The following ARHGAP11A variants were observed in gnomAD, a reference collection of about 807,000 sequenced individuals.
ARHGAP11A encodes Rho GTPase activating protein 11A.
A neutral mutation model predicts 60.5 loss-of-function variants in ARHGAP11A; 36 were observed. The observed-to-expected ratio is 0.59, with a 90% CI of 0.46 to 0.79. The LOEUF is 0.79. Ranked by LOEUF, ARHGAP11A falls within the 30% of genes least tolerant of loss-of-function variation. The pLI is 0.00. For synonymous variants in ARHGAP11A, 362 were observed against 415.5 expected (o/e 0.87, Z 1.57); for missense variants, 1,071 against 1,199.2 (o/e 0.89, Z 1.58).
chr15:32,633,540 G>C (rs1241891247), intron 9 of ARHGAP11A, among the ~76,000 whole-genome samples: 17 of 152,146 alleles, frequency 1.1e-4, no homozygotes, highest in Admixed American at 1.1e-3. Flanking sequence ...TACCTGGGAG[G>C]CTGAGGTGAG....
intron 2 of ARHGAP11A, among the ~76,000 whole-genome samples, chr15:32,621,791 C>T (rs1415603224): frequency 6.8e-6 from 1 of 148,054 alleles, no homozygotes; most frequent in Non-Finnish European, 1.5e-5. Flanking sequence ...CACTGCACTC[C>T]AGCCTGGGCG....
In ARHGAP11A at chr15:32,615,590, G is replaced by T. The variant is rs2053114281; in HGVS notation, c.-622G>T. ...CGGCTTGGCTTCAGTGAACGCACCG[G>T]GATGTGCAGGCCGGGAGGTAGAGGC... On this transcript the variant is annotated 5_prime_UTR_variant, in exon 1 of 12. Coordinates refer to ENST00000361627, the MANE Select transcript of ARHGAP11A (RefSeq NM_014783.6). The T allele has an allele frequency of 6.6e-6, 1 of 152,646 alleles. No individual in the cohort carries two copies. The highest frequency in any genetic ancestry group is 1.5e-5 in the Non-Finnish European group (1 of 68,198). 9.5% of individuals were successfully genotyped at this position (152,646 alleles called of 1,614,324 possible). A position where few individuals can be genotyped will look rare whatever the true frequency, so the allele number is the denominator to read the frequency against.
At chr15:32,625,784 G>A (rs899465991) in intron 6 of ARHGAP11A, 151 bp downstream of exon 6, 7 of 785,868 alleles carry the variant, frequency 8.9e-6, no homozygotes, top group East Asian at 7.7e-5. Context: ...AAGTTAAAGC[G>A]ATAGTACAAT....
intron 6 of ARHGAP11A, 110 bp from the exon 7 acceptor site, chr15:32,628,618 A>G: frequency 1.3e-6 from 1 of 777,644 alleles, no homozygotes; most frequent in East Asian, 3.1e-5. Context: ...CTTAAAATTT[A>G]TAAGCCGATG....
chr15:32,624,033 ATAAAG>A lies in ARHGAP11A; in HGVS notation c.298-137_298-133del, dbSNP rs1241806856. On this transcript the variant is annotated intron_variant, in intron 3 of 11. Coordinates refer to ENST00000361627, the MANE Select transcript of ARHGAP11A (RefSeq NM_014783.6). ...AAAATAAATTCAAAAATCATTAAAA[ATAAAG>A]TAGTGACATATATTAAAATAAGAGT... 6 of 602,444 alleles carry A rather than the reference ATAAAG, an allele frequency of 1.0e-5. No individual in the cohort carries two copies. In the African/African-American group the frequency reaches 1.1e-4, roughly 11 times the overall value. 37.3% of individuals were successfully genotyped at this position (602,444 alleles called of 1,614,324 possible). A position where few individuals can be genotyped will look rare whatever the true frequency, so the allele number is the denominator to read the frequency against.
chr15:32,621,696 G>A (rs923019843), intron 2 of ARHGAP11A, among the ~76,000 whole-genome samples: 41 of 152,402 alleles, frequency 2.7e-4, no homozygotes, highest in African/African-American at 9.9e-4. Context: ...GTGGTAGCAC[G>A]CACCTGTAGT....
intron 1 of ARHGAP11A, among the ~76,000 whole-genome samples, chr15:32,617,500 C>T (rs1175553540): frequency 9.0e-6 from 1 of 110,700 alleles, no homozygotes; most frequent in East Asian, 2.6e-4. Context: ...GAGATGGAGT[C>T]TCCCTCTGTC....
intron 6 of ARHGAP11A, among the ~76,000 whole-genome samples, chr15:32,627,488 G>C (rs1382752902): frequency 6.6e-6 from 1 of 152,020 alleles, no homozygotes; most frequent in Admixed American, 6.5e-5. Context: ...CCAGCACTTT[G>C]GGAGGCCAAG....
intron 9 of ARHGAP11A, 103 bp downstream of exon 9, chr15:32,633,211 A>C: frequency 7.6e-7 from 1 of 1,323,116 alleles, no homozygotes; most frequent in Non-Finnish European, 1.0e-6. Flanking sequence ...TTGAGTCATA[A>C]TTTTTTAAAA....
chr15:32,623,576 A>G lies in ARHGAP11A; in HGVS notation c.285A>G (p.Leu95=). ...LFRKSGSVIR[L]KALKNKVDHG... ...GGAAATCAGGATCTGTGATTCGCCT[A>G]AAAGCACTAAAGGTGAGCATATTGT... Residue 95 remains leucine, a synonymous_variant, in exon 3 of 12, where the codon CTA becomes CTG. Transcript: ENST00000361627. 6.2e-7 allele frequency: 1 copy of G among 1,614,010 alleles called. No homozygotes were observed. The highest frequency in any genetic ancestry group is 1.1e-5 in the South Asian group (1 of 91,046).
intron 1 of ARHGAP11A, among the ~76,000 whole-genome samples, chr15:32,618,433 A>G (rs1355237857): frequency 6.6e-6 from 1 of 152,258 alleles, no homozygotes; most frequent in Non-Finnish European, 1.5e-5. Flanking sequence ...ATTTTTTAAA[A>G]TAGTTCAGCT....
At chr15:32,628,606 A>G in intron 6 of ARHGAP11A, 122 bp from the exon 7 acceptor site, 1 of 690,530 alleles carries the variant, frequency 1.4e-6, no homozygotes. Flanking sequence ...CCTCTTAAAT[A>G]ACTTAAAATT....
At position 32,616,075 on chromosome 15, in the gene ARHGAP11A, G is replaced by A. The variant is rs974218960; in HGVS notation, c.-137G>A. On this transcript the variant is annotated 5_prime_UTR_variant, in exon 1 of 12. Transcript: ENST00000361627. Reference sequence around the variant, plus strand: ...GCCGTGGAAGTGGCCGGGGGTCGGGGCCGCAGAAGTGCCAGACGGGGCCGG... The same window carrying A: ...GCCGTGGAAGTGGCCGGGGGTCGGGACCGCAGAAGTGCCAGACGGGGCCGG... The A allele has an allele frequency of 4.5e-6, 6 of 1,324,896 alleles. No homozygotes were observed. Among genetic ancestry groups the A allele is most frequent in the Non-Finnish European group, 6.1e-6 (6 of 980,198 alleles). 82.1% of individuals were successfully genotyped at this position (1,324,896 alleles called of 1,614,324 possible).
chr15:32,622,579 C>T (rs1382866058), intron 2 of ARHGAP11A, among the ~76,000 whole-genome samples: 1 of 152,092 alleles, frequency 6.6e-6, no homozygotes, highest in East Asian at 1.9e-4. Flanking sequence ...GGCTGACATT[C>T]AGCCACTGTG....
chr15:32,618,637 T>C (rs1307228107), intron 1 of ARHGAP11A, among the ~76,000 whole-genome samples: 1 of 152,134 alleles, frequency 6.6e-6, no homozygotes, highest in Non-Finnish European at 1.5e-5. Flanking sequence ...AGAGTTAAGA[T>C]GTAAAGCCTG....
chr15:32,636,626 A>G lies in ARHGAP11A; in HGVS notation c.1853A>G (p.Gln618Arg). The G allele has an allele frequency of 6.2e-7, 1 of 1,614,058 alleles. No individual in the cohort carries two copies. Among genetic ancestry groups the G allele is most frequent in the Non-Finnish European group, 8.5e-7 (1 of 1,179,964 alleles). The change falls in exon 12 of 12, where the codon CAG (glutamine) becomes CGG (arginine). Residue 618 changes from glutamine (Q) to arginine (R), a missense_variant. By Grantham distance (43) the Gln-to-Arg change is conservative. Around this residue, in one of 4 missense-constraint regions of ARHGAP11A, gnomAD observed 776 missense variants for 760.2 expected, o/e 1.02. Coordinates refer to ENST00000361627, the MANE Select transcript of ARHGAP11A (RefSeq NM_014783.6). ...SNLHALMNQR[Q>R]SSVTNVGKVK... Reference sequence around the variant, plus strand: ...CTTCACGCATTGATGAATCAGAGGCAGTCATCAGTAACTAATGTGGGGAAA... The same window carrying G: ...CTTCACGCATTGATGAATCAGAGGCGGTCATCAGTAACTAATGTGGGGAAA...
At chr15:32,619,645 G>T (rs1193419245) in intron 1 of ARHGAP11A, among the ~76,000 whole-genome samples, 1 of 152,002 alleles carries the variant, frequency 6.6e-6, no homozygotes, top group African/African-American at 2.4e-5. Flanking sequence ...TGAATGACAG[G>T]AATTAGTGTT....
intron 4 of ARHGAP11A, 40 bp from the exon 5 acceptor site, chr15:32,625,040 C>T: frequency 6.2e-7 from 1 of 1,603,600 alleles, no homozygotes. Context: ...TCTGTATTTT[C>T]ACGTTTGGCT....
In ARHGAP11A at chr15:32,633,045, A is replaced by G. The variant is rs762205594; in HGVS notation, c.1172A>G (p.Asn391Ser). The stretch of plus-strand genomic sequence containing the variant: ...CTCTCTCCTGTACTCATTGGTGGAA[A>G]CCATTTGATCACTGCAGGTGTGCCA... ...SSLSPVLIGG[N>S]HLITAGVPRR... The change falls in exon 9 of 12, where the codon AAC (asparagine) becomes AGC (serine). Residue 391 changes from asparagine to serine, a missense_variant. By Grantham distance (46) the Asn-to-Ser change is conservative. Coordinates refer to ENST00000361627, the MANE Select transcript of ARHGAP11A (RefSeq NM_014783.6). The G allele has an allele frequency of 1.2e-6, 2 of 1,614,154 alleles. No homozygotes were observed. Among genetic ancestry groups the G allele is most frequent in the South Asian group, 1.1e-5 (1 of 91,086 alleles).
Sources: gnomAD v4.1 joint callset for allele counts (sites outside exome capture counted in the v4.1 genomes callset) on GRCh38, gnomAD v4.1.1 for gene constraint, gnomAD v4.1.1 regional missense constraint, MANE v1.5 for transcripts, NCBI Gene and HGNC (gene_info 2026-07-23, HGNC 2026-07-21) for gene names.